Variants in ZBTB7C observed in about 807,000 individuals in gnomAD.
The protein encoded by ZBTB7C is zinc finger and BTB domain containing 7C.
A neutral mutation model predicts 25.7 loss-of-function variants in ZBTB7C; 8 were observed. The ratio of observed to expected loss-of-function variants is 0.31; its 90% CI spans 0.18 to 0.56. The LOEUF is 0.56. Ranked by LOEUF, ZBTB7C falls within the 20% of genes least tolerant of loss-of-function variation. ZBTB7C has a pLI of 0.91. For missense variants in ZBTB7C, 824 were observed against 855.2 expected (o/e 0.96, Z 0.46); for synonymous variants, 394 against 369.0 (o/e 1.07, Z -0.78).
Position 48,040,643 on chromosome 18 carries a change from C to T in ZBTB7C, c.465G>A (p.Glu155=). ...CATCCTCCTCCTCTTCCTCCTCCTC[C>T]TCTTCGTCCTCCTCATCATCATCAT... The part of the protein sequence containing the change: ...DEDDDDEEDE[E]EEEEEEEDDD... Residue 155 remains glutamate, a synonymous_variant, in exon 4 of 5, where the codon GAG becomes GAA. Transcript: ENST00000590800. 6.2e-7 allele frequency: 1 copy of T among 1,613,092 alleles called. No homozygotes were observed. Among genetic ancestry groups the T allele is most frequent in the Non-Finnish European group, 8.5e-7 (1 of 1,179,380 alleles).
chr18:48,297,206 G>A (rs1368189699), intron 2 of ZBTB7C, among the ~76,000 whole-genome samples: 1 of 152,140 alleles, frequency 6.6e-6, no homozygotes, highest in Non-Finnish European at 1.5e-5. Flanking sequence ...CTGGACCTTG[G>A]ATTTATTTTT....
At chr18:48,218,374 C>T (rs1228782987) in intron 2 of ZBTB7C, among the ~76,000 whole-genome samples, 1 of 152,216 alleles carries the variant, frequency 6.6e-6, no homozygotes, top group Non-Finnish European at 1.5e-5. Context: ...CCTCTGCCCC[C>T]AGGTATTCCC....
intron 3 of ZBTB7C, among the ~76,000 whole-genome samples, chr18:48,109,808 C>CA (rs558723932): frequency 1.3e-5 from 2 of 152,160 alleles, no homozygotes; most frequent in Non-Finnish European, 2.9e-5. Context: ...GCTCTATTTT[C>CA]AAAAAAGACA....
intron 1 of ZBTB7C, chr18:48,408,717 G>A (rs933203723): frequency 6.6e-6 from 1 of 152,112 alleles, no homozygotes. Context: ...AGGCAGAAGT[G>A]CGGTAAAACT....
intron 2 of ZBTB7C, among the ~76,000 whole-genome samples, chr18:48,324,471 C>T (rs923322937): frequency 3.3e-5 from 5 of 151,708 alleles, no homozygotes; most frequent in African/African-American, 1.2e-4. Flanking sequence ...AATGAGACAT[C>T]TATTTACAAC....
chr18:48,368,049 C>A (rs1275555553), intron 1 of ZBTB7C, among the ~76,000 whole-genome samples: 1 of 151,530 alleles, frequency 6.6e-6, no homozygotes, highest in Non-Finnish European at 1.5e-5. Context: ...AGGTTTCAAT[C>A]AAAAATTACT....
At chr18:48,305,548 T>C (rs1308040131) in intron 2 of ZBTB7C, among the ~76,000 whole-genome samples, 1 of 151,996 alleles carries the variant, frequency 6.6e-6, no homozygotes, top group Non-Finnish European at 1.5e-5. Context: ...TACTAGGAGG[T>C]GATACCCCTC....
chr18:48,113,414 A>G (rs1211049470), intron 3 of ZBTB7C, among the ~76,000 whole-genome samples: 5 of 152,364 alleles, frequency 3.3e-5, no homozygotes, highest in African/African-American at 9.6e-5. Context: ...TCAAAAAAGG[A>G]TAATTGGAGT....
intron 3 of ZBTB7C, among the ~76,000 whole-genome samples, chr18:48,095,233 T>C (rs1260704743): frequency 6.6e-6 from 1 of 152,144 alleles, no homozygotes; most frequent in Non-Finnish European, 1.5e-5. Context: ...GGCAGTTCCA[T>C]GGCAAGCACG....
intron 2 of ZBTB7C, among the ~76,000 whole-genome samples, chr18:48,309,226 C>T (rs983794647): frequency 6.6e-6 from 1 of 152,202 alleles, no homozygotes; most frequent in Non-Finnish European, 1.5e-5. Flanking sequence ...CCACTAGTCT[C>T]CATTAGCATT....
chr18:48,390,815 G>A (rs1349974045), intron 1 of ZBTB7C, among the ~76,000 whole-genome samples: 2 of 152,214 alleles, frequency 1.3e-5, no homozygotes, highest in African/African-American at 2.4e-5. Context: ...CCTGGTCCCC[G>A]TGGCGGCTGG....
At chr18:48,105,982 A>C (rs1209772956) in intron 3 of ZBTB7C, among the ~76,000 whole-genome samples, 1 of 152,234 alleles carries the variant, frequency 6.6e-6, no homozygotes, top group African/African-American at 2.4e-5. Context: ...TAATGCTACT[A>C]CTACTAAAAA....
intron 3 of ZBTB7C, among the ~76,000 whole-genome samples, chr18:48,172,020 A>C (rs1029529444): frequency 1.3e-5 from 2 of 152,220 alleles, no homozygotes; most frequent in Admixed American, 6.5e-5. Context: ...TGGGTGGTTC[A>C]TACTGAAAGA....
chr18:48,051,289 G>A (rs2036676444), intron 3 of ZBTB7C, among the ~76,000 whole-genome samples: 1 of 152,218 alleles, frequency 6.6e-6, no homozygotes, highest in Middle Eastern at 3.2e-3. Flanking sequence ...GAGGAAGAAT[G>A]AGGGGAAGCC....
chr18:48,093,118 G>C (rs2038480160), intron 3 of ZBTB7C, among the ~76,000 whole-genome samples: 1 of 152,238 alleles, frequency 6.6e-6, no homozygotes, highest in South Asian at 2.1e-4. Flanking sequence ...GAGTAGAAGA[G>C]GGGAGACTGT....
At chr18:48,251,604 T>C (rs1198444805) in intron 2 of ZBTB7C, among the ~76,000 whole-genome samples, 1 of 152,194 alleles carries the variant, frequency 6.6e-6, no homozygotes, top group Non-Finnish European at 1.5e-5. Context: ...ATGTTCAACA[T>C]GGCGGCTCCA....
chr18:48,134,995 G>A (rs1359825460), intron 3 of ZBTB7C, among the ~76,000 whole-genome samples: 1 of 152,110 alleles, frequency 6.6e-6, no homozygotes, highest in Non-Finnish European at 1.5e-5. Flanking sequence ...TAACTTCCCC[G>A]CTCTTTCCTC....
intron 2 of ZBTB7C, among the ~76,000 whole-genome samples, chr18:48,293,385 TA>T (rs1017190742): frequency 1.3e-5 from 2 of 152,152 alleles, no homozygotes; most frequent in Non-Finnish European, 2.9e-5. Flanking sequence ...CATCCCCAAA[TA>T]TCATCACATT....
chr18:48,136,206 C>T (rs1267513470), intron 3 of ZBTB7C, among the ~76,000 whole-genome samples: 1 of 152,188 alleles, frequency 6.6e-6, no homozygotes, highest in Non-Finnish European at 1.5e-5. Flanking sequence ...GACGCCGGCC[C>T]GGGCGCCCGC....
Sources: allele counts gnomAD v4.1 joint callset (sites outside exome capture counted in the v4.1 genomes callset), GRCh38; gene constraint gnomAD v4.1.1; transcripts MANE v1.5; gene names NCBI Gene and HGNC (gene_info 2026-07-23, HGNC 2026-07-21).